EPHA5: variants seen among roughly 807,000 people sequenced by gnomAD.
The protein encoded by EPHA5 is ephrin type-A receptor 5.
A neutral mutation model predicts 105.0 loss-of-function variants in EPHA5; 60 were observed. The observed-to-expected ratio is 0.57, with a 90% CI of 0.46 to 0.71. The LOEUF (loss-of-function observed/expected upper bound fraction) is 0.71. Ranked by LOEUF, EPHA5 falls within the 30% of genes least tolerant of loss-of-function variation. EPHA5 has a pLI of 0.00. For synonymous variants in EPHA5, 513 were observed against 449.1 expected (o/e 1.14, Z -1.80); for missense variants, 1,218 against 1,274.7 (o/e 0.96, Z 0.68).
chr4:65,382,026 A>C (rs1719611221), intron 8 of EPHA5, among the ~76,000 whole-genome samples: 1 of 151,866 alleles, frequency 6.6e-6, no homozygotes, highest in South Asian at 2.1e-4. Flanking sequence ...ACTGAGGTGC[A>C]CCTTAAATAA....
chr4:65,319,719 C>T lies in EPHA5; in HGVS notation c.*4395G>A, dbSNP rs967478656. ...CTTTGAATTAACTGTGAGACAGGAACTTGAGATAGCCTGATGTATATCATA... is the reference window on the plus strand; with the variant it reads ...CTTTGAATTAACTGTGAGACAGGAATTTGAGATAGCCTGATGTATATCATA... On this transcript the variant is annotated 3_prime_UTR_variant, in exon 17 of 17. Transcript: ENST00000613740. 1 of 226,576 alleles carries T rather than the reference C, an allele frequency of 4.4e-6. No homozygotes were observed. The highest frequency in any genetic ancestry group is 8.8e-6 in the Non-Finnish European group (1 of 113,826). 14.0% of individuals were successfully genotyped at this position (226,576 alleles called of 1,614,324 possible). A position where few individuals can be genotyped will look rare whatever the true frequency, so the allele number is the denominator to read the frequency against.
chr4:65,538,135 T>A lies in EPHA5; in HGVS notation c.911-42592A>T, dbSNP rs181489304. ...TCCTTGTCTTTAAACAAACAAAAAA[T>A]CTGCAGTGCACTATGTGAAACAAAG... is the stretch of plus-strand genomic sequence containing the variant. On this transcript the variant is annotated intron_variant, in intron 3 of 16. Coordinates refer to ENST00000613740, the MANE Select transcript of EPHA5 (RefSeq NM_001281766.3). 9.9e-5 allele frequency among the ~76,000 whole-genome samples: 15 copies of A among 151,850 alleles called. No homozygotes were observed. In the East Asian group the frequency reaches 2.9e-3, roughly 29 times the overall value.
chr4:65,365,793 T>C, intron 10 of EPHA5, 139 bp downstream of exon 10: 5 of 771,822 alleles, frequency 6.5e-6, no homozygotes, highest in Non-Finnish European at 9.7e-6. Flanking sequence ...TGTATTAAAA[T>C]GTGATCAGTT....
At chr4:65,453,528 G>C (rs1054432448) in intron 5 of EPHA5, among the ~76,000 whole-genome samples, 3 of 152,156 alleles carry the variant, frequency 2.0e-5, no homozygotes, top group Non-Finnish European at 4.4e-5. Context: ...GATCTCAGGA[G>C]CTGGGTAAGT....
At chr4:65,640,746 T>C (rs1024484746) in intron 2 of EPHA5, among the ~76,000 whole-genome samples, 41 of 152,198 alleles carry the variant, frequency 2.7e-4, no homozygotes, top group South Asian at 4.1e-4. Flanking sequence ...TACCTTAACC[T>C]TCACTTCCTG....
chr4:65,607,401 G>A (rs964615951), intron 2 of EPHA5, among the ~76,000 whole-genome samples: 3 of 151,836 alleles, frequency 2.0e-5, no homozygotes, highest in Admixed American at 6.6e-5. Flanking sequence ...CTACAGAATG[G>A]GAGAAAATTT....
In EPHA5 at chr4:65,669,550, C is replaced by A. The variant is rs1315976640; in HGVS notation, c.181+12G>T. ...CCCCAGGTCGCCACGGTCCCCACCCCCATCTCCCTACCTTCGTTGCTGGGG... is the reference window on the plus strand; with the variant it reads ...CCCCAGGTCGCCACGGTCCCCACCCACATCTCCCTACCTTCGTTGCTGGGG... On this transcript the variant is annotated intron_variant, in intron 1 of 16. Transcript: ENST00000613740. 1 of 1,381,338 alleles carries A rather than the reference C, an allele frequency of 7.2e-7. No homozygotes were observed. The highest frequency in any genetic ancestry group is 2.8e-5 in the East Asian group (1 of 36,162). 85.6% of individuals were successfully genotyped at this position (1,381,338 alleles called of 1,614,324 possible). A position where few individuals can be genotyped will look rare whatever the true frequency, so the allele number is the denominator to read the frequency against.
chr4:65,445,081 C>A (rs976994874), intron 5 of EPHA5, among the ~76,000 whole-genome samples: 1 of 151,892 alleles, frequency 6.6e-6, no homozygotes, highest in Non-Finnish European at 1.5e-5. Flanking sequence ...ACTTCTTTTT[C>A]TAGTCTGCAA....
chr4:65,386,462 T>C (rs1421633989), intron 8 of EPHA5, among the ~76,000 whole-genome samples: 1 of 151,902 alleles, frequency 6.6e-6, no homozygotes, highest in Non-Finnish European at 1.5e-5. Context: ...TTCATATGCA[T>C]TGACCCTTAC....
intron 1 of EPHA5, among the ~76,000 whole-genome samples, chr4:65,666,291 C>T (rs79423360): frequency 0.013 from 2,051 of 152,270 alleles, 42 homozygotes; most frequent in African/African-American, 0.047. Flanking sequence ...TTTACTGGGA[C>T]ATTACTGACT....
chr4:65,350,856 T>C (rs936893991), intron 13 of EPHA5, among the ~76,000 whole-genome samples: 7 of 152,044 alleles, frequency 4.6e-5, no homozygotes, highest in African/African-American at 9.7e-5. Context: ...TCAAAACTTT[T>C]TGAAGGAATA....
chr4:65,575,995 AGAGAG>A (rs1740869977), intron 3 of EPHA5, among the ~76,000 whole-genome samples: 2 of 101,024 alleles, frequency 2.0e-5, no homozygotes, highest in African/African-American at 8.0e-5. Context: ...AGAGAGAGAG[AGAGAG>A]AGAAAGAAAG....
rs781343527 is a variant in EPHA5, at chr4:65,382,612, TAAC to T, written c.1794-15191_1794-15189del. On this transcript the variant is annotated intron_variant, in intron 8 of 16. Coordinates refer to ENST00000613740, the MANE Select transcript of EPHA5 (RefSeq NM_001281766.3). The stretch of plus-strand genomic sequence containing the variant: ...ATTCTTTAATAGTGAAGAAATTACA[TAAC>T]AACAGTTCTCTACTCATGTGTAACA... 5.9e-5 allele frequency among the ~76,000 whole-genome samples: 9 copies of T among 151,948 alleles called. No homozygotes were observed. In the East Asian group the frequency reaches 1.7e-3, roughly 30 times the overall value.
rs2290254 is a variant in EPHA5, at chr4:65,348,325, G to T, written c.2446-122C>A. 1.2e-4 allele frequency: 101 copies of T among 830,674 alleles called. No homozygotes were observed. In the African/African-American group the frequency reaches 1.7e-3, roughly 14 times the overall value. The allele number at this position is 830,674 out of a possible 1,614,324, so 51.5% of individuals were successfully genotyped here. Reference sequence around the variant, plus strand: ...TTTTTAAGTGAATCTGTTTGACAGCGCGCAGTGTCTTTTCAAATCTCTCAG... The same window carrying T: ...TTTTTAAGTGAATCTGTTTGACAGCTCGCAGTGTCTTTTCAAATCTCTCAG... On this transcript the variant is annotated intron_variant, in intron 13 of 16. Transcript: ENST00000613740.
chr4:65,643,547 A>G (rs1027368743), intron 1 of EPHA5, 120 bp from the exon 2 acceptor site: 23 of 726,676 alleles, frequency 3.2e-5, no homozygotes, highest in African/African-American at 1.8e-5. Context: ...AGTGTTCATT[A>G]TGATGAATAC....
At chr4:65,482,933 C>T (rs530061059) in intron 5 of EPHA5, among the ~76,000 whole-genome samples, 1 of 151,336 alleles carries the variant, frequency 6.6e-6, no homozygotes. Flanking sequence ...CATATGTATA[C>T]ATGTGCCATG....
At chr4:65,329,790 A>C in intron 16 of EPHA5, among the ~76,000 whole-genome samples, 1 of 147,302 alleles carries the variant, frequency 6.8e-6, no homozygotes, top group Non-Finnish European at 1.5e-5. Flanking sequence ...CTTTGCCATT[A>C]GTCCTTAGCA....
chr4:65,370,078 C>T (rs1177535637), intron 8 of EPHA5, among the ~76,000 whole-genome samples: 1 of 152,134 alleles, frequency 6.6e-6, no homozygotes, highest in African/African-American at 2.4e-5. Context: ...ATTCCTAACA[C>T]ATATAATGTT....
At chr4:65,570,362 C>G (rs1192979373) in intron 3 of EPHA5, among the ~76,000 whole-genome samples, 1 of 151,670 alleles carries the variant, frequency 6.6e-6, no homozygotes, top group Admixed American at 6.6e-5. Context: ...GTAGCATCTT[C>G]TTTCTGAATC....
Sources: allele counts gnomAD v4.1 joint callset (sites outside exome capture counted in the v4.1 genomes callset), GRCh38; gene constraint gnomAD v4.1.1; transcripts MANE v1.5; gene names NCBI Gene and HGNC (gene_info 2026-07-23, HGNC 2026-07-21).